Variants in PKD2L2 observed in about 807,000 individuals in gnomAD.
PKD2L2 encodes polycystin-2-like protein 2.
PKD2L2 carries 67 observed loss-of-function variants against 83.9 expected under a neutral mutation model. The ratio of observed to expected loss-of-function variants is 0.80; its 90% CI spans 0.66 to 0.98. The LOEUF is 0.98. Among genes scored for constraint, PKD2L2 ranks in the 50% least tolerant of loss-of-function variants. PKD2L2 has a pLI of 0.00. For missense variants in PKD2L2, 632 were observed against 717.2 expected, an observed-to-expected ratio of 0.88 and a Z score of 1.36; for synonymous variants, 223 against 237.8, an observed-to-expected ratio of 0.94 and a Z score of 0.57.
chr5:137,928,163 G>A (rs569420183), intron 12 of PKD2L2, among the ~76,000 whole-genome samples: 9 of 152,238 alleles, frequency 5.9e-5, no homozygotes, highest in African/African-American at 1.9e-4. Context: ...GCAAAGCTGC[G>A]CTTCAAATAT....
chr5:137,932,533 CATAA>C (rs1273747741), intron 12 of PKD2L2, among the ~76,000 whole-genome samples: 3 of 152,042 alleles, frequency 2.0e-5, no homozygotes, highest in African/African-American at 4.8e-5. Context: ...TGAGACAACT[CATAA>C]ATAATGACTG....
intron 12 of PKD2L2, among the ~76,000 whole-genome samples, chr5:137,927,443 A>G (rs1759467190): frequency 6.6e-6 from 1 of 152,232 alleles, no homozygotes. Context: ...TCCAGATTAA[A>G]TGAGATTAAA....
chr5:137,942,068 C>T (rs749776733), intron 14 of PKD2L2: 6 of 1,551,142 alleles, frequency 3.9e-6, no homozygotes, highest in South Asian at 2.2e-5. Flanking sequence ...TGGTAAAATA[C>T]TGAAGGGCAC....
intron 7 of PKD2L2, 125 bp downstream of exon 7, chr5:137,908,037 C>T (rs1018275866): frequency 2.6e-5 from 13 of 496,378 alleles, no homozygotes; most frequent in African/African-American, 2.6e-4. Flanking sequence ...TAGTTTGGGC[C>T]AGCACAGTGG....
At chr5:137,891,074 G>C (rs1425585441) in intron 2 of PKD2L2, among the ~76,000 whole-genome samples, 1 of 152,096 alleles carries the variant, frequency 6.6e-6, no homozygotes, top group African/African-American at 2.4e-5. Flanking sequence ...AGGAGGACTG[G>C]GAAAACATCT....
intron 5 of PKD2L2, among the ~76,000 whole-genome samples, chr5:137,905,053 T>C (rs1757255690): frequency 6.6e-6 from 1 of 152,150 alleles, no homozygotes; most frequent in African/African-American, 2.4e-5. Flanking sequence ...ACATGAAGAG[T>C]ACAAATTATT....
At chr5:137,926,382 C>A (rs1210428451) in intron 12 of PKD2L2, among the ~76,000 whole-genome samples, 2 of 151,562 alleles carry the variant, frequency 1.3e-5, no homozygotes, top group African/African-American at 4.9e-5. Flanking sequence ...AAAAAGTGAA[C>A]CATTGCTCTA....
chr5:137,892,848 C>T (rs1240088301), intron 3 of PKD2L2, among the ~76,000 whole-genome samples: 2 of 152,144 alleles, frequency 1.3e-5, no homozygotes, highest in South Asian at 2.1e-4. Context: ...TGGCTCATGC[C>T]TGTAATCCCA....
Position 137,894,333 on chromosome 5 carries a change from A to G in PKD2L2, c.268-20A>G, listed in dbSNP as rs778314855. On this transcript the variant is annotated intron_variant, in intron 3 of 14. Coordinates refer to ENST00000508883, the MANE Select transcript of PKD2L2 (RefSeq NM_001300921.2). ...GACATGAAAATATTTTTCCCATGAC[A>G]TTTGTTTTTCTCTGTGGAGTTTATG... is the stretch of plus-strand genomic sequence containing the variant. 14 of 1,567,542 alleles carry G rather than the reference A, an allele frequency of 8.9e-6. No individual in the cohort carries two copies. The South Asian group carries it at 9.3e-5, about 10-fold the overall frequency.
At chr5:137,928,276 C>T (rs1376212270) in intron 12 of PKD2L2, among the ~76,000 whole-genome samples, 2 of 144,372 alleles carry the variant, frequency 1.4e-5, no homozygotes, top group Middle Eastern at 4.5e-3. Context: ...AGAGGCTGGG[C>T]GAGCTGGCTC....
chr5:137,889,469 G>A lies in PKD2L2; in HGVS notation c.-23G>A, dbSNP rs1346753450. On this transcript the variant is annotated 5_prime_UTR_variant, in exon 1 of 15. Transcript: ENST00000508883. ...GCGCCGCGGCCTCAGGCGAACGAAC[G>A]GGCGGTGTAGTGCAGGTCCGCCATG... is the stretch of plus-strand genomic sequence containing the variant. 2.5e-6 allele frequency: 4 copies of A among 1,584,906 alleles called. No individual in the cohort carries two copies. Among genetic ancestry groups the A allele is most frequent in the Non-Finnish European group, 3.4e-6 (4 of 1,168,196 alleles).
At chr5:137,900,838 T>C (rs1756891869) in intron 5 of PKD2L2, among the ~76,000 whole-genome samples, 1 of 152,096 alleles carries the variant, frequency 6.6e-6, no homozygotes, top group South Asian at 2.1e-4. Context: ...TCTAAAACGA[T>C]TTTTAAAAAG....
chr5:137,890,441 CA>C, intron 1 of PKD2L2, 39 bp from the exon 2 acceptor site: 1 of 1,065,162 alleles, frequency 9.4e-7, no homozygotes, highest in Non-Finnish European at 1.4e-6. Context: ...TTATAAATTA[CA>C]TAATAATGTA....
At chr5:137,912,552 A>G (rs112985097) in intron 8 of PKD2L2, among the ~76,000 whole-genome samples, 7,193 of 151,616 alleles carry the variant, frequency 0.047, 206 homozygotes, top group Middle Eastern at 0.068. Context: ...TTTTTAGTAG[A>G]GATGGGGTTT....
At chr5:137,901,387 T>C (rs989382536) in intron 5 of PKD2L2, among the ~76,000 whole-genome samples, 15 of 146,368 alleles carry the variant, frequency 1.0e-4, no homozygotes, top group Non-Finnish European at 1.5e-5. Flanking sequence ...AGGCTTTTAA[T>C]GCAGACAATA....
rs1756095664 is a variant in PKD2L2, at chr5:137,892,710, G to T, written c.267+97G>T. On this transcript the variant is annotated intron_variant, in intron 3 of 14. Transcript: ENST00000508883. ...CTCAATGAATATCTTTTGAAGAAAT[G>T]AATAAAAATAAATGTCATTTCTTTA... 1.2e-5 allele frequency: 12 copies of T among 969,672 alleles called. 1 individual carries two copies. In the South Asian group the frequency reaches 1.5e-4, roughly 12 times the overall value. 60.1% of individuals were successfully genotyped at this position (969,672 alleles called of 1,614,324 possible). A position where few individuals can be genotyped will look rare whatever the true frequency, so the allele number is the denominator to read the frequency against.
chr5:137,899,790 T>C (rs1458456497), intron 5 of PKD2L2, 53 bp downstream of exon 5: 2 of 957,622 alleles, frequency 2.1e-6, no homozygotes, highest in East Asian at 5.0e-5. Flanking sequence ...CCTACAAAAC[T>C]TCTTTATTAG....
At chr5:137,940,699 T>C (rs1203116754) in intron 14 of PKD2L2, among the ~76,000 whole-genome samples, 4 of 152,202 alleles carry the variant, frequency 2.6e-5, no homozygotes, top group Admixed American at 6.5e-5. Flanking sequence ...TTAATACATT[T>C]AGTTAACTGC....
At chr5:137,941,683 A>G (rs1236512467) in intron 14 of PKD2L2, among the ~76,000 whole-genome samples, 1 of 152,242 alleles carries the variant, frequency 6.6e-6, no homozygotes, top group Admixed American at 6.5e-5. Context: ...ATGTAGAATT[A>G]AAGAATATAA....
Sources: gnomAD v4.1 joint callset for allele counts (sites outside exome capture counted in the v4.1 genomes callset) on GRCh38, gnomAD v4.1.1 for gene constraint, MANE v1.5 for transcripts, NCBI Gene and HGNC (gene_info 2026-07-23, HGNC 2026-07-21) for gene names.